The following RHBDD1 variants were observed in gnomAD, a reference collection of about 807,000 sequenced individuals.
The protein encoded by RHBDD1 is rhomboid-related protein 4.
RHBDD1 carries 38 observed loss-of-function variants against 36.3 expected under a neutral mutation model. The observed-to-expected ratio is 1.05, with a 90% CI of 0.81 to 1.37. The LOEUF (loss-of-function observed/expected upper bound fraction) is 1.37, where lower values mean the gene tolerates loss of function less well. RHBDD1 is among the 40% of genes most tolerant of loss of function. RHBDD1 has a pLI of 0.00. For missense variants in RHBDD1, 393 were observed against 377.6 expected (o/e 1.04, Z -0.34); for synonymous variants, 151 against 136.5 (o/e 1.11, Z -0.74).
intron 5 of RHBDD1, among the ~76,000 whole-genome samples, chr2:226,899,319 T>C (rs1022806542): frequency 6.6e-6 from 1 of 152,334 alleles, no homozygotes; most frequent in Admixed American, 6.5e-5. Flanking sequence ...AAAATTGCCT[T>C]TCTACTATCA....
At chr2:226,849,309 G>T (rs1341941245) in intron 3 of RHBDD1, among the ~76,000 whole-genome samples, 1 of 152,230 alleles carries the variant, frequency 6.6e-6, no homozygotes, top group African/African-American at 2.4e-5. Context: ...AAGAGATGAT[G>T]AAGATTCCCT....
the RHBDD1 span, among the ~76,000 whole-genome samples, chr2:226,814,440 G>T: frequency 6.6e-6 from 1 of 152,116 alleles, no homozygotes; most frequent in Non-Finnish European, 1.5e-5. Context: ...TCAAAAGTTT[G>T]GACTTAGCTT....
chr2:226,974,173 G>C (rs74394395), intron 8 of RHBDD1, among the ~76,000 whole-genome samples: 2,491 of 152,330 alleles, frequency 0.016, 61 homozygotes, highest in African/African-American at 0.057. Context: ...AATGTGGGAA[G>C]GTTCCGCTGA....
the RHBDD1 span, among the ~76,000 whole-genome samples, chr2:226,822,815 G>C: frequency 2.6e-5 from 4 of 151,990 alleles, no homozygotes; most frequent in Non-Finnish European, 5.9e-5. Flanking sequence ...TTGTGAATGA[G>C]TTTAGTGCCC....
At chr2:226,839,285 A>T (rs988876292) in intron 2 of RHBDD1, 124 bp from the exon 3 acceptor site, 1 of 152,204 alleles carries the variant, frequency 6.6e-6, no homozygotes, top group African/African-American at 2.4e-5. Flanking sequence ...AGATACGTAC[A>T]TGTATATGTA....
the RHBDD1 span, among the ~76,000 whole-genome samples, chr2:226,803,031 CAT>C: frequency 6.6e-6 from 1 of 152,138 alleles, no homozygotes; most frequent in Non-Finnish European, 1.5e-5. Flanking sequence ...TGTATCAAAA[CAT>C]ATGTTTTCCT....
At chr2:226,870,578 G>A (rs529734323) in intron 5 of RHBDD1, among the ~76,000 whole-genome samples, 15 of 152,284 alleles carry the variant, frequency 9.9e-5, no homozygotes, top group African/African-American at 2.6e-4. Context: ...CAACTTGGGG[G>A]TTAGGGATGC....
At chr2:226,959,830 T>G (rs781023789) in intron 8 of RHBDD1, among the ~76,000 whole-genome samples, 8 of 152,194 alleles carry the variant, frequency 5.3e-5, no homozygotes, top group Admixed American at 6.5e-5. Context: ...TGTTTGTTTA[T>G]TTTTTGTTTT....
chr2:226,982,883 T>C (rs1388505169), intron 8 of RHBDD1, among the ~76,000 whole-genome samples: 2 of 152,228 alleles, frequency 1.3e-5, no homozygotes, highest in Admixed American at 6.5e-5. Context: ...TACTCCAGTG[T>C]CATCACAAAT....
intron 8 of RHBDD1, among the ~76,000 whole-genome samples, chr2:226,966,314 A>G (rs1457722966): frequency 3.9e-5 from 6 of 152,162 alleles, no homozygotes; most frequent in Non-Finnish European, 5.9e-5. Context: ...CATCCTTGGT[A>G]TCAGTTTTCT....
intron 8 of RHBDD1, among the ~76,000 whole-genome samples, chr2:226,917,118 T>G (rs1948962270): frequency 6.6e-6 from 1 of 152,016 alleles, no homozygotes; most frequent in Non-Finnish European, 1.5e-5. Context: ...TTAATATAAG[T>G]CATTAATATT....
At chr2:226,830,529 T>C in the RHBDD1 span, among the ~76,000 whole-genome samples, 1 of 152,220 alleles carries the variant, frequency 6.6e-6, no homozygotes, top group Non-Finnish European at 1.5e-5. Context: ...GGTCTTGCTA[T>C]GTGGCCTAGT....
chr2:226,807,407 T>A, the RHBDD1 span: 1 of 152,344 alleles, frequency 6.6e-6, no homozygotes, highest in Non-Finnish European at 1.5e-5. Context: ...ATTAATAACA[T>A]TAGTTTCATA....
At chr2:226,832,905 G>A (rs561076760), upstream of RHBDD1, among the ~76,000 whole-genome samples, 40 of 152,238 alleles carry the variant, frequency 2.6e-4, no homozygotes, top group African/African-American at 9.2e-4. Context: ...CAGCTACTTG[G>A]GAAGCTGAGG....
At position 226,841,480 on chromosome 2, in the gene RHBDD1, T is replaced by C. The variant is rs1941630078; in HGVS notation, c.-91+1853T>C. On this transcript the variant is annotated intron_variant, in intron 3 of 8. Coordinates refer to ENST00000392062, the MANE Select transcript of RHBDD1 (RefSeq NM_001167608.3). Reference sequence around the variant, plus strand: ...ACCACACCTCCCTGACAGGCCCCAGTGTGTGGTGGCTCCCTGCTCTGTGTC... The same window carrying C: ...ACCACACCTCCCTGACAGGCCCCAGCGTGTGGTGGCTCCCTGCTCTGTGTC... 2.0e-5 allele frequency among the ~76,000 whole-genome samples: 3 copies of C among 152,206 alleles called. No homozygotes were observed. In the South Asian group the frequency reaches 6.2e-4, roughly 32 times the overall value.
intron 8 of RHBDD1, among the ~76,000 whole-genome samples, chr2:226,950,064 G>A (rs1485538128): frequency 6.6e-6 from 1 of 152,110 alleles, no homozygotes; most frequent in Non-Finnish European, 1.5e-5. Context: ...TTTGTGATAA[G>A]AGCCCTAAAA....
At chr2:226,842,420 TG>T (rs1289896447) in intron 3 of RHBDD1, among the ~76,000 whole-genome samples, 10 of 152,154 alleles carry the variant, frequency 6.6e-5, no homozygotes, top group Non-Finnish European at 1.3e-4. Flanking sequence ...TTTATAGTTT[TG>T]GGTTTGACAT....
intron 3 of RHBDD1, among the ~76,000 whole-genome samples, chr2:226,853,636 T>G (rs1203650584): frequency 1.3e-5 from 2 of 152,192 alleles, no homozygotes; most frequent in Admixed American, 1.3e-4. Context: ...CTGTCTGTCT[T>G]TCATGGTTTC....
chr2:226,894,077 TTTTTA>T (rs1946895990), intron 5 of RHBDD1, among the ~76,000 whole-genome samples: 1 of 152,092 alleles, frequency 6.6e-6, no homozygotes. Context: ...AATTAAGAGT[TTTTTA>T]ACCTCACGTA....
Sources: allele counts gnomAD v4.1 joint callset (sites outside exome capture counted in the v4.1 genomes callset), GRCh38; gene constraint gnomAD v4.1.1; transcripts MANE v1.5; gene names NCBI Gene and HGNC (gene_info 2026-07-23, HGNC 2026-07-21).